Variants in ST3GAL4 observed in about 807,000 individuals in gnomAD.
ST3GAL4 encodes CMP-N-acetylneuraminate-beta-galactosamide-alpha-2,3-sialyltransferase 4.
In ST3GAL4, 24 loss-of-function variants were observed where a neutral mutation model predicts 42.6. The observed-to-expected ratio is 0.56, with a 90% CI of 0.41 to 0.79. The LOEUF (loss-of-function observed/expected upper bound fraction) is 0.79. ST3GAL4 is among the 30% of genes least tolerant of loss of function. The probability of loss-of-function intolerance (pLI) is 0.00; values close to 1 mark genes in which losing one functional copy is unlikely to be tolerated. For missense variants in ST3GAL4, 311 were observed against 430.8 expected (o/e 0.72, Z 2.46); for synonymous variants, 135 against 163.2 (o/e 0.83, Z 1.32).
At position 126,406,561 on chromosome 11, in the gene ST3GAL4, A is replaced by T. The variant is rs376826237; in HGVS notation, c.101+4A>T. 7.4e-6 allele frequency: 12 copies of T among 1,614,012 alleles called. No homozygotes were observed. Among genetic ancestry groups the T allele is most frequent in the Non-Finnish European group, 1.0e-5 (12 of 1,180,028 alleles). On this transcript the variant is annotated splice_donor_region_variant and intron_variant, in intron 3 of 10. Transcript: ENST00000444328. The surrounding 1 kb of genome is among the most constrained non-coding windows in gnomAD (Gnocchi z 5.4). ...GGGAAGACAGGTACATCGAGCTGTG[A>T]GTTCACCTTCCATGTCCTTCCAGTG...
intron 1 of ST3GAL4, among the ~76,000 whole-genome samples, chr11:126,368,215 C>T (rs1276203013): frequency 6.7e-6 from 1 of 148,326 alleles, no homozygotes; most frequent in Non-Finnish European, 1.5e-5. Flanking sequence ...AAAAGTGAAT[C>T]CAGGGCCAGG....
intron 1 of ST3GAL4, among the ~76,000 whole-genome samples, chr11:126,401,378 G>A (rs997777588): frequency 1.3e-5 from 2 of 151,826 alleles, no homozygotes; most frequent in African/African-American, 4.8e-5. Context: ...AACCAGCTTG[G>A]CCAACATGGT....
At position 126,397,049 on chromosome 11, in the gene ST3GAL4, G is replaced by A. The variant is rs1031388922; in HGVS notation, c.-60-9047G>A. 6.6e-6 allele frequency among the ~76,000 whole-genome samples: 1 copy of A among 152,046 alleles called. No individual in the cohort carries two copies. Among genetic ancestry groups the A allele is most frequent in the Non-Finnish European group, 1.5e-5 (1 of 68,020 alleles). On this transcript the variant is annotated intron_variant, in intron 1 of 10. Transcript: ENST00000444328. The surrounding 1 kb of genome is among the most constrained non-coding windows in gnomAD (Gnocchi z 5.0). ...CCCCATAATACACAAGACAGACCCC[G>A]CAACAGTGAACTCTCTGGCCCCTCC...
chr11:126,408,744 G>C, intron 8 of ST3GAL4: 1 of 554,122 alleles, frequency 1.8e-6, no homozygotes, highest in Non-Finnish European at 3.2e-6. Flanking sequence ...CCATGCTCCA[G>C]GCGTGTCTGT....
chr11:126,400,473 G>A lies in ST3GAL4; in HGVS notation c.-60-5623G>A, dbSNP rs547127638. On this transcript the variant is annotated intron_variant, in intron 1 of 10. Coordinates refer to ENST00000444328, the MANE Select transcript of ST3GAL4 (RefSeq NM_001254757.2). The surrounding 1 kb of genome is among the most constrained non-coding windows in gnomAD (Gnocchi z 4.6). The stretch of plus-strand genomic sequence containing the variant: ...CCATAGCAGGCACCTTAATAAAGGT[G>A]GAAAAGGGATGTGGCAGCTACAGTG... 7.4e-4 allele frequency among the ~76,000 whole-genome samples: 112 copies of A among 152,314 alleles called. 1 individual carries two copies. Among genetic ancestry groups the A allele is most frequent in the African/African-American group, 2.5e-3 (102 of 41,556 alleles).
chr11:126,358,682 G>A (rs985733528), intron 1 of ST3GAL4, among the ~76,000 whole-genome samples: 3 of 152,194 alleles, frequency 2.0e-5, no homozygotes, highest in African/African-American at 7.2e-5. Context: ...TTGGGTTGTT[G>A]CATTTCGGGG....
chr11:126,408,662 G>T, intron 8 of ST3GAL4, 166 bp downstream of exon 8: 1 of 808,340 alleles, frequency 1.2e-6, no homozygotes, highest in Non-Finnish European at 1.9e-6. Context: ...TCCAAGGGTG[G>T]TGCTCTGATA....
At chr11:126,371,163 C>CTTTTTTTTTTTCTTTTTTT (rs1952629491) in intron 1 of ST3GAL4, among the ~76,000 whole-genome samples, 1 of 59,974 alleles carries the variant, frequency 1.7e-5, no homozygotes, top group Non-Finnish European at 3.0e-5. Flanking sequence ...CCCCACATTC[C>CTTTTTTTTTTTCTTTTTTT]TTTTTTTTTT....
At chr11:126,388,763 G>GT (rs11379700) in intron 1 of ST3GAL4, among the ~76,000 whole-genome samples, 87,126 of 88,058 alleles carry the variant, frequency 0.99, 43,099 homozygotes, top group East Asian at 0.99. Flanking sequence ...TAGTTTTTCA[G>GT]TGTCTTTTTT....
rs1474898045 is a variant in ST3GAL4 at position 126,386,173 on chromosome 11, A to G, written c.-60-19923A>G. Reference sequence around the variant, plus strand: ...CTCAGAGACATGGTTCTATCCCCCCAGTGGCCAAGGGCTGGTGGCCCTCAC... The same window carrying G: ...CTCAGAGACATGGTTCTATCCCCCCGGTGGCCAAGGGCTGGTGGCCCTCAC... On this transcript the variant is annotated intron_variant, in intron 1 of 10. Transcript: ENST00000444328. This position sits in a 1 kb window ranked among gnomAD's most constrained non-coding sequence, Gnocchi z 4.7. Among the ~76,000 whole-genome samples the G allele has an allele frequency of 4.6e-5, 7 of 151,836 alleles. No homozygotes were observed. Among genetic ancestry groups the G allele is most frequent in the Non-Finnish European group, 2.9e-5 (2 of 67,946 alleles).
At position 126,386,384 on chromosome 11, in the gene ST3GAL4, G is replaced by A. The variant is rs1442446065; in HGVS notation, c.-60-19712G>A. Among the ~76,000 whole-genome samples the A allele has an allele frequency of 1.3e-5, 2 of 152,074 alleles. No individual in the cohort carries two copies. Among genetic ancestry groups the A allele is most frequent in the Non-Finnish European group, 2.9e-5 (2 of 68,016 alleles). On this transcript the variant is annotated intron_variant, in intron 1 of 10. Coordinates refer to ENST00000444328, the MANE Select transcript of ST3GAL4 (RefSeq NM_001254757.2). The surrounding 1 kb of genome is among the most constrained non-coding windows in gnomAD (Gnocchi z 4.7). ...CTCCCTGCTTGCATTCGGCCCACAG[G>A]CCTTGTGGCTCCTGTTTCTGCTGAC... is the stretch of plus-strand genomic sequence containing the variant.
rs1401592595 is a variant in ST3GAL4, at chr11:126,386,217, G to A, written c.-60-19879G>A. Among the ~76,000 whole-genome samples, 3 of 152,152 alleles carry A rather than the reference G, an allele frequency of 2.0e-5. No individual in the cohort carries two copies. The highest frequency in any genetic ancestry group is 4.4e-5 in the Non-Finnish European group (3 of 68,042). On this transcript the variant is annotated intron_variant, in intron 1 of 10. Transcript: ENST00000444328. The surrounding 1 kb of genome is among the most constrained non-coding windows in gnomAD (Gnocchi z 4.7). ...CCCTCACTCTCTGCCCCTGTGCCCTGTGTTAGTGGTCCTGTGGTTGTCATT... is the reference window on the plus strand; with the variant it reads ...CCCTCACTCTCTGCCCCTGTGCCCTATGTTAGTGGTCCTGTGGTTGTCATT...
rs1316273298 is a variant in ST3GAL4 at position 126,363,056 on chromosome 11, G to A, written c.-61+7214G>A. On this transcript the variant is annotated intron_variant, in intron 1 of 10. Coordinates refer to ENST00000444328, the MANE Select transcript of ST3GAL4 (RefSeq NM_001254757.2). The surrounding 1 kb of genome is among the most constrained non-coding windows in gnomAD (Gnocchi z 4.6). ...TCTCCAGGCCCCTAGGACTGGGTGG[G>A]CTAAGATGAGTGGTCTAGAAATCCC... Among the ~76,000 whole-genome samples, 4 of 152,218 alleles carry A rather than the reference G, an allele frequency of 2.6e-5. No individual in the cohort carries two copies. The highest frequency in any genetic ancestry group is 9.7e-5 in the African/African-American group (4 of 41,442).
rs924428339 is a variant in ST3GAL4 at position 126,400,145 on chromosome 11, G to A, written c.-60-5951G>A. On this transcript the variant is annotated intron_variant, in intron 1 of 10. Coordinates refer to ENST00000444328, the MANE Select transcript of ST3GAL4 (RefSeq NM_001254757.2). The surrounding 1 kb of genome is among the most constrained non-coding windows in gnomAD (Gnocchi z 4.6). ...GCTGTAACAGAATACCACAGATTGA[G>A]TATATTATAATGAATAGAATTTTAT... 2.0e-5 allele frequency among the ~76,000 whole-genome samples: 3 copies of A among 152,148 alleles called. No homozygotes were observed. Among genetic ancestry groups the A allele is most frequent in the Admixed American group, 6.5e-5 (1 of 15,278 alleles).
intron 1 of ST3GAL4, among the ~76,000 whole-genome samples, chr11:126,358,893 G>A (rs1403931383): frequency 6.6e-6 from 1 of 152,226 alleles, no homozygotes; most frequent in Non-Finnish European, 1.5e-5. Flanking sequence ...GGTTGCTGCT[G>A]CTCGGGCTGA....
In ST3GAL4 at chr11:126,406,400, G is replaced by T; in HGVS notation, c.17-73G>T. On this transcript the variant is annotated intron_variant, in intron 2 of 10. Coordinates refer to ENST00000444328, the MANE Select transcript of ST3GAL4 (RefSeq NM_001254757.2). The surrounding 1 kb of genome is among the most constrained non-coding windows in gnomAD (Gnocchi z 5.4). ...AGGGGTCGGAGGGACTCAGAAGGGG[G>T]CAGGTGGGAAGGTGGACGGGGGTTG... is the stretch of plus-strand genomic sequence containing the variant. 1 of 1,610,392 alleles carries T rather than the reference G, an allele frequency of 6.2e-7. No individual in the cohort carries two copies. The highest frequency in any genetic ancestry group is 8.5e-7 in the Non-Finnish European group (1 of 1,178,518).
Position 126,406,422 on chromosome 11 carries a change from G to A in ST3GAL4, c.17-51G>A. On this transcript the variant is annotated intron_variant, in intron 2 of 10. Coordinates refer to ENST00000444328, the MANE Select transcript of ST3GAL4 (RefSeq NM_001254757.2). This position sits in a 1 kb window ranked among gnomAD's most constrained non-coding sequence, Gnocchi z 5.4. ...GGGGCAGGTGGGAAGGTGGACGGGG[G>A]TTGTACCTGCCTGTTGCTGCCTCTA... 3.7e-6 allele frequency: 6 copies of A among 1,613,562 alleles called. No individual in the cohort carries two copies. Among genetic ancestry groups the A allele is most frequent in the Non-Finnish European group, 4.2e-6 (5 of 1,179,862 alleles).
At chr11:126,361,526 C>T (rs1591410352) in intron 1 of ST3GAL4, among the ~76,000 whole-genome samples, 1 of 152,072 alleles carries the variant, frequency 6.6e-6, no homozygotes, top group East Asian at 1.9e-4. Flanking sequence ...TGCTAGACTG[C>T]AAATGTCCTT....
chr11:126,414,178 C>T lies in ST3GAL4; in HGVS notation c.*131C>T. The stretch of plus-strand genomic sequence containing the variant: ...CCCCTCTTGGGGAGGGAGTTCTGGG[C>T]CTGGCCAGGTCTGAGATGAGGCCAT... On this transcript the variant is annotated 3_prime_UTR_variant, in exon 11 of 11. Transcript: ENST00000444328. 1 of 862,898 alleles carries T rather than the reference C, an allele frequency of 1.2e-6. No homozygotes were observed. Among genetic ancestry groups the T allele is most frequent in the Non-Finnish European group, 1.9e-6 (1 of 524,252 alleles). 53.5% of individuals were successfully genotyped at this position (862,898 alleles called of 1,614,324 possible).
Sources: allele counts gnomAD v4.1 joint callset (sites outside exome capture counted in the v4.1 genomes callset), GRCh38; gene constraint gnomAD v4.1.1; non-coding constraint Gnocchi (gnomAD v3.1); transcripts MANE v1.5; gene names NCBI Gene and HGNC (gene_info 2026-07-23, HGNC 2026-07-21).